Variants in C7orf78 observed in about 807,000 individuals in gnomAD.
C7orf78 encodes putative uncharacterized protein C7orf78.
At chr7:12,532,204 A>G in the C7orf78 span, among the ~76,000 whole-genome samples, 1 of 152,128 alleles carries the variant, frequency 6.6e-6, no homozygotes, top group Non-Finnish European at 1.5e-5. Context: ...CTGCAGCTCA[A>G]TTTTACAGGC....
the C7orf78 span, among the ~76,000 whole-genome samples, chr7:12,512,124 TTTC>T: frequency 6.6e-6 from 1 of 151,828 alleles, no homozygotes; most frequent in South Asian, 2.1e-4. Context: ...ACTTTTGGTT[TTTC>T]TAAATGTAAA....
the C7orf78 span, among the ~76,000 whole-genome samples, chr7:12,518,071 C>T: frequency 6.6e-6 from 1 of 152,054 alleles, no homozygotes; most frequent in Non-Finnish European, 1.5e-5. Context: ...TTTGTTGGGG[C>T]CATTTGGCTT....
the C7orf78 span, among the ~76,000 whole-genome samples, chr7:12,531,825 T>C: frequency 4.6e-5 from 7 of 151,944 alleles, no homozygotes; most frequent in Non-Finnish European, 1.0e-4. Flanking sequence ...GAAAGTTTAA[T>C]AGAAGAAAGG....
At chr7:12,496,136 A>G in the C7orf78 span, among the ~76,000 whole-genome samples, 1 of 152,140 alleles carries the variant, frequency 6.6e-6, no homozygotes, top group African/African-American at 2.4e-5. Context: ...CGTGTTAGCC[A>G]GGATGGTCTC....
chr7:12,529,013 C>T, the C7orf78 span: 2 of 398,372 alleles, frequency 5.0e-6, no homozygotes, highest in Non-Finnish European at 8.8e-6. Flanking sequence ...TTGACGAAAG[C>T]CCCATGGCCT....
chr7:12,519,894 G>A, the C7orf78 span, among the ~76,000 whole-genome samples: 1 of 152,194 alleles, frequency 6.6e-6, no homozygotes, highest in Non-Finnish European at 1.5e-5. Flanking sequence ...AATGGTGATG[G>A]CTAGGCTCTC....
the C7orf78 span, among the ~76,000 whole-genome samples, chr7:12,533,579 C>T: frequency 2.3e-4 from 32 of 141,926 alleles, no homozygotes; most frequent in Middle Eastern, 4.2e-3. Flanking sequence ...TGCAGTGGTA[C>T]GATCTCAGTT....
At chr7:12,524,826 A>C in the C7orf78 span, among the ~76,000 whole-genome samples, 2 of 150,542 alleles carry the variant, frequency 1.3e-5, no homozygotes, top group Non-Finnish European at 3.0e-5. Context: ...TCAAAAAATA[A>C]TAATAAATAA....
the C7orf78 span, among the ~76,000 whole-genome samples, chr7:12,489,251 A>T: frequency 6.8e-6 from 1 of 146,602 alleles, no homozygotes; most frequent in East Asian, 2.0e-4. Context: ...ATAATTTGGC[A>T]TGTATATATC....
chr7:12,524,218 G>C, the C7orf78 span, among the ~76,000 whole-genome samples: 2 of 152,068 alleles, frequency 1.3e-5, no homozygotes, highest in Non-Finnish European at 2.9e-5. Context: ...TTTATAATGT[G>C]GGTTAATAAT....
At chr7:12,496,413 G>A in the C7orf78 span, 2 of 152,146 alleles carry the variant, frequency 1.3e-5, no homozygotes, top group African/African-American at 4.8e-5. Context: ...GAAAATTCCA[G>A]AATGTTGCTT....
the C7orf78 span, among the ~76,000 whole-genome samples, chr7:12,488,086 C>T: frequency 5.5e-3 from 830 of 152,134 alleles, 4 homozygotes; most frequent in Non-Finnish European, 9.3e-3. Context: ...TAGAAGAATA[C>T]ATATTGATTG....
chr7:12,484,114 C>T, the C7orf78 span: 1 of 152,056 alleles, frequency 6.6e-6, no homozygotes. Context: ...GGACGGATAA[C>T]TATAAAAATA....
the C7orf78 span, among the ~76,000 whole-genome samples, chr7:12,517,897 T>C: frequency 6.6e-6 from 1 of 152,202 alleles, no homozygotes; most frequent in Non-Finnish European, 1.5e-5. Flanking sequence ...ATTTTTTTGA[T>C]TGGGATCTGT....
chr7:12,539,176 C>G, the C7orf78 span, among the ~76,000 whole-genome samples: 3 of 152,104 alleles, frequency 2.0e-5, no homozygotes, highest in African/African-American at 7.2e-5. Flanking sequence ...AAAGACAAAG[C>G]CTTTAGGGCC....
chr7:12,529,997 G>T, the C7orf78 span, among the ~76,000 whole-genome samples: 69 of 72,098 alleles, frequency 9.6e-4, 1 homozygote, highest in African/African-American at 4.7e-3. Context: ...GTACCTTCCG[G>T]ATGTTGCCAC....
chr7:12,533,990 TC>T, the C7orf78 span, among the ~76,000 whole-genome samples: 1 of 152,252 alleles, frequency 6.6e-6, no homozygotes, highest in Non-Finnish European at 1.5e-5. Context: ...AGAAATGTTT[TC>T]ATCTGAAGTT....
chr7:12,484,032 T>C, the C7orf78 span: 1 of 152,168 alleles, frequency 6.6e-6, no homozygotes, highest in African/African-American at 2.4e-5. Flanking sequence ...GTCGATCTTA[T>C]GTTGGAATAT....
chr7:12,511,421 G>A, the C7orf78 span, among the ~76,000 whole-genome samples: 1 of 152,036 alleles, frequency 6.6e-6, no homozygotes, highest in African/African-American at 2.4e-5. Context: ...AATGTCATTG[G>A]TATTATGATA....
Sources: gnomAD v4.1 joint callset for allele counts (sites outside exome capture counted in the v4.1 genomes callset) on GRCh38, gnomAD v4.1.1 for gene constraint, MANE v1.5 for transcripts, NCBI Gene and HGNC (gene_info 2026-07-23, HGNC 2026-07-21) for gene names.